The following MIS18A variants were observed in gnomAD, a reference collection of about 807,000 sequenced individuals.
The protein encoded by MIS18A is protein Mis18-alpha.
In MIS18A, 14 loss-of-function variants were observed where a neutral mutation model predicts 25.0. The ratio of observed to expected loss-of-function variants is 0.56; its 90% confidence interval spans 0.37 to 0.88. MIS18A has a LOEUF of 0.88. Ranked by LOEUF, MIS18A falls within the 40% of genes least tolerant of loss-of-function variation. MIS18A has a pLI of 0.00. For synonymous variants in MIS18A, 134 were observed against 118.6 expected, an observed-to-expected ratio of 1.13 and a Z score of -0.84; for missense variants, 292 against 290.8, an observed-to-expected ratio of 1.00 and a Z score of -0.03.
the MIS18A span, among the ~76,000 whole-genome samples, chr21:32,231,869 C>A: frequency 4.6e-5 from 7 of 152,074 alleles, no homozygotes; most frequent in East Asian, 1.9e-4. Flanking sequence ...GCCAAGATTG[C>A]GCCACTGCAC....
In MIS18A at chr21:32,269,772, C is replaced by T. The variant is rs767717960; in HGVS notation, c.556G>A (p.Val186Met). The T allele has an allele frequency of 6.2e-7, 1 of 1,611,922 alleles. No individual in the cohort carries two copies. The highest frequency in any genetic ancestry group is 1.1e-5 in the South Asian group (1 of 91,018). Residue 186 changes from valine (V) to methionine (M), a missense_variant, in exon 4 of 5, where the codon GTG becomes ATG. Transcript: ENST00000290130. ...YVLGSSEKQIVSEDKELFNLE... is the reference protein window; with the variant it reads ...YVLGSSEKQIMSEDKELFNLE... ...TTAAAAAGCTCTTTATCTTCTGACA[C>T]AATTTGCTTTTCAGAGGACCCTAAA...
the MIS18A span, among the ~76,000 whole-genome samples, chr21:32,191,934 GAAAGAA>G: frequency 6.6e-6 from 1 of 151,258 alleles, no homozygotes. Flanking sequence ...AAAGAAAGAA[GAAAGAA>G]AAAGAAAGAA....
chr21:32,221,052 A>G, the MIS18A span, among the ~76,000 whole-genome samples: 1 of 152,200 alleles, frequency 6.6e-6, no homozygotes, highest in Non-Finnish European at 1.5e-5. Flanking sequence ...GTTGGAAAAC[A>G]TACTTCAGGA....
downstream of MIS18A, among the ~76,000 whole-genome samples, chr21:32,263,599 C>T (rs6517089): frequency 0.48 from 73,628 of 151,820 alleles, 19,906 homozygotes; most frequent in African/African-American, 0.74. Flanking sequence ...AGACTTTGTC[C>T]CAAAATAAAT....
chr21:32,193,195 A>T, the MIS18A span, among the ~76,000 whole-genome samples: 1 of 152,142 alleles, frequency 6.6e-6, no homozygotes, highest in Non-Finnish European at 1.5e-5. Context: ...TGAGGGCATG[A>T]GGAGGCCAGG....
At chr21:32,156,825 T>C in the MIS18A span, among the ~76,000 whole-genome samples, 2 of 151,938 alleles carry the variant, frequency 1.3e-5, no homozygotes, top group African/African-American at 4.8e-5. Flanking sequence ...AGAGACCCCC[T>C]TAACCCCCAA....
chr21:32,269,470 C>T, intron 4 of MIS18A: 1 of 463,904 alleles, frequency 2.2e-6, no homozygotes, highest in Non-Finnish European at 3.8e-6. Flanking sequence ...TCTAGCTTTG[C>T]AGTGTTTTAA....
the MIS18A span, chr21:32,197,832 T>A: frequency 6.6e-6 from 1 of 152,232 alleles, no homozygotes; most frequent in Non-Finnish European, 1.5e-5. Context: ...CAGCACTTCA[T>A]GGTTGGCCCC....
At position 32,278,816 on chromosome 21, in the gene MIS18A, C is replaced by T; in HGVS notation, c.199G>A (p.Ala67Thr). 1 of 1,598,510 alleles carries T rather than the reference C, an allele frequency of 6.3e-7. No individual in the cohort carries two copies. Among genetic ancestry groups the T allele is most frequent in the Non-Finnish European group, 8.5e-7 (1 of 1,174,592 alleles). The change falls in exon 1 of 5, where the codon GCG becomes ACG. Residue 67 changes from alanine (A) to threonine (T), a missense_variant. By Grantham distance (58) the Ala-to-Thr change is moderately conservative (BLOSUM62 0). Coordinates refer to ENST00000290130, the MANE Select transcript of MIS18A (RefSeq NM_018944.3). ...EDASVADMER[A>T]QLEEEAAAAE... ...GCCGCCGCCTCCTCCTCCAGCTGCG[C>T]CCTCTCCATGTCGGCCACCGACGCG...
chr21:32,204,454 G>A, the MIS18A span, among the ~76,000 whole-genome samples: 19 of 151,758 alleles, frequency 1.3e-4, no homozygotes, highest in East Asian at 3.9e-4. Context: ...CCAAGATCCC[G>A]CCACCGCACT....
chr21:32,236,376 C>T, the MIS18A span, among the ~76,000 whole-genome samples: 1 of 152,044 alleles, frequency 6.6e-6, no homozygotes, highest in African/African-American at 2.4e-5. Flanking sequence ...GAGCAAGATT[C>T]CCTCTCAACA....
At chr21:32,170,434 T>C in the MIS18A span, among the ~76,000 whole-genome samples, 2 of 152,128 alleles carry the variant, frequency 1.3e-5, no homozygotes, top group African/African-American at 4.8e-5. Flanking sequence ...TGTGATGTTA[T>C]ATTTATATAG....
the MIS18A span, among the ~76,000 whole-genome samples, chr21:32,190,899 T>C: frequency 6.6e-6 from 1 of 152,380 alleles, no homozygotes; most frequent in Admixed American, 6.5e-5. Flanking sequence ...GCCAGTTGTA[T>C]TGAATATGCA....
the MIS18A span, among the ~76,000 whole-genome samples, chr21:32,262,284 C>G: frequency 6.6e-6 from 1 of 152,232 alleles, no homozygotes; most frequent in South Asian, 2.1e-4. Context: ...CCTAGGGAAG[C>G]AGTTGTGACA....
At chr21:32,252,242 G>GA in the MIS18A span, among the ~76,000 whole-genome samples, 32 of 37,576 alleles carry the variant, frequency 8.5e-4, no homozygotes, top group South Asian at 9.2e-3. Context: ...GAAGAAGAAG[G>GA]AGGAGGAGGA....
the MIS18A span, among the ~76,000 whole-genome samples, chr21:32,246,235 CAT>C: frequency 1.1e-3 from 167 of 152,302 alleles, no homozygotes; most frequent in African/African-American, 3.8e-3. Context: ...TGGGCAGAGA[CAT>C]GTGTACAAAC....
the MIS18A span, chr21:32,261,526 C>G: frequency 6.6e-6 from 1 of 152,194 alleles, no homozygotes; most frequent in Non-Finnish European, 1.5e-5. Context: ...TGTGAGTAAA[C>G]AGATGCTCGA....
chr21:32,181,966 A>C, the MIS18A span, among the ~76,000 whole-genome samples: 1 of 152,342 alleles, frequency 6.6e-6, no homozygotes, highest in Middle Eastern at 3.4e-3. Context: ...GAGAATATTC[A>C]TACCTGTTTA....
the MIS18A span, among the ~76,000 whole-genome samples, chr21:32,216,426 T>C: frequency 6.6e-6 from 1 of 152,188 alleles, no homozygotes; most frequent in African/African-American, 2.4e-5. Flanking sequence ...TGTCTTTATG[T>C]GATGTGACTC....
Sources: gnomAD v4.1 joint callset for allele counts (sites outside exome capture counted in the v4.1 genomes callset) on GRCh38, gnomAD v4.1.1 for gene constraint, MANE v1.5 for transcripts, NCBI Gene and HGNC (gene_info 2026-07-23, HGNC 2026-07-21) for gene names.